Variants in ADAM9 observed in about 807,000 individuals in gnomAD.
ADAM9 encodes disintegrin and metalloproteinase domain-containing protein 9.
ADAM9 carries 54 observed loss-of-function variants against 108.1 expected under a neutral mutation model. The ratio of observed to expected loss-of-function variants is 0.50; its 90% CI spans 0.40 to 0.63. The LOEUF is 0.63. ADAM9 is among the 20% of genes least tolerant of loss of function. The pLI, the probability that ADAM9 is intolerant of heterozygous loss-of-function variation, is 0.00. For missense variants in ADAM9, 830 were observed against 997.7 expected (o/e 0.83, Z 2.26); for synonymous variants, 316 against 336.0 (o/e 0.94, Z 0.65).
At chr8:39,097,050 A>G (rs998061455) in intron 20 of ADAM9, among the ~76,000 whole-genome samples, 3 of 151,866 alleles carry the variant, frequency 2.0e-5, no homozygotes, top group Non-Finnish European at 2.9e-5. Flanking sequence ...CCATGTTTCT[A>G]TTTCTTTGTA....
Position 39,103,970 on chromosome 8 carries a change from A to C in ADAM9, c.*270A>C. 1.6e-6 allele frequency: 1 copy of C among 607,068 alleles called. No individual in the cohort carries two copies. The highest frequency in any genetic ancestry group is 3.1e-6 in the Non-Finnish European group (1 of 326,754). The allele number at this position is 607,068 out of a possible 1,614,324, so 37.6% of individuals were successfully genotyped here. A position where few individuals can be genotyped will look rare whatever the true frequency, so the allele number is the denominator to read the frequency against. ...AGTCATCGGTGAGGTTAATGCACTAATCATGGATTTTTTGAACATGTTATT... is the reference window on the plus strand; with the variant it reads ...AGTCATCGGTGAGGTTAATGCACTACTCATGGATTTTTTGAACATGTTATT... On this transcript the variant is annotated 3_prime_UTR_variant, in exon 22 of 22. Coordinates refer to ENST00000487273, the MANE Select transcript of ADAM9 (RefSeq NM_003816.3).
At chr8:39,007,662 T>C (rs552553495) in intron 1 of ADAM9, among the ~76,000 whole-genome samples, 2 of 152,366 alleles carry the variant, frequency 1.3e-5, no homozygotes, top group Admixed American at 6.5e-5. Context: ...AAGACTGATA[T>C]TCTTTTTTAA....
chr8:39,055,177 A>G (rs1432673780), intron 13 of ADAM9, among the ~76,000 whole-genome samples: 1 of 152,166 alleles, frequency 6.6e-6, no homozygotes, highest in Admixed American at 6.6e-5. Flanking sequence ...CTGGTGCAGA[A>G]TATTCATACT....
chr8:39,079,039 A>T (rs772386211), intron 16 of ADAM9, among the ~76,000 whole-genome samples: 21 of 152,182 alleles, frequency 1.4e-4, no homozygotes, highest in Admixed American at 3.3e-4. Flanking sequence ...AGGGGAGGCT[A>T]AACAATTGGA....
chr8:39,005,530 C>T (rs556211559), intron 1 of ADAM9, among the ~76,000 whole-genome samples: 2 of 152,184 alleles, frequency 1.3e-5, no homozygotes, highest in Non-Finnish European at 2.9e-5. Context: ...CTAACTGATT[C>T]CAATATATGC....
At chr8:39,020,369 C>T (rs1369402842) in intron 7 of ADAM9, among the ~76,000 whole-genome samples, 1 of 152,030 alleles carries the variant, frequency 6.6e-6, no homozygotes, top group Non-Finnish European at 1.5e-5. Flanking sequence ...TCAATCAAGC[C>T]CTATCAAATA....
chr8:39,016,027 G>C, intron 4 of ADAM9, 91 bp from the exon 5 acceptor site: 1 of 1,170,136 alleles, frequency 8.5e-7, no homozygotes. Flanking sequence ...AAACTTGACT[G>C]GCCTAAAGTA....
In ADAM9 at chr8:39,082,732, T is replaced by G; in HGVS notation, c.1962+11T>G. ...TGTCATGGACATGGGGTAGGTAATG[T>G]TTTCTTTTGGCTTGTTCCTGAAAGT... On this transcript the variant is annotated intron_variant, in intron 17 of 21. Transcript: ENST00000487273. The G allele has an allele frequency of 6.2e-7, 1 of 1,610,472 alleles. No homozygotes were observed. Among genetic ancestry groups the G allele is most frequent in the Non-Finnish European group, 8.5e-7 (1 of 1,176,926 alleles).
At chr8:39,045,353 C>CACCT (rs1837682824) in intron 12 of ADAM9, among the ~76,000 whole-genome samples, 2 of 116,810 alleles carry the variant, frequency 1.7e-5, no homozygotes, top group African/African-American at 3.2e-5. Flanking sequence ...CATGTGTGTA[C>CACCT]ATACATATAG....
intron 7 of ADAM9, among the ~76,000 whole-genome samples, chr8:39,021,420 A>C (rs779037876): frequency 2.6e-5 from 4 of 151,980 alleles, no homozygotes; most frequent in African/African-American, 7.3e-5. Context: ...AGTAGCTGGG[A>C]TTATAGGCAC....
intron 12 of ADAM9, among the ~76,000 whole-genome samples, chr8:39,054,180 C>T (rs1475155636): frequency 1.3e-5 from 2 of 152,124 alleles, no homozygotes; most frequent in Non-Finnish European, 2.9e-5. Flanking sequence ...GATTTCTAGC[C>T]TCAAGAACTG....
chr8:39,084,172 A>G (rs936520657), intron 18 of ADAM9, among the ~76,000 whole-genome samples: 5 of 152,004 alleles, frequency 3.3e-5, no homozygotes, highest in African/African-American at 1.2e-4. Flanking sequence ...CCAGTTTTTA[A>G]TGGATTGTCT....
intron 12 of ADAM9, among the ~76,000 whole-genome samples, chr8:39,046,217 G>C (rs1020636106): frequency 1.3e-5 from 2 of 151,822 alleles, no homozygotes; most frequent in Non-Finnish European, 2.9e-5. Context: ...CAAATGTTTT[G>C]TTTTCAATGC....
At chr8:39,000,155 G>T (rs1157212388) in intron 1 of ADAM9, among the ~76,000 whole-genome samples, 1 of 151,902 alleles carries the variant, frequency 6.6e-6, no homozygotes, top group Non-Finnish European at 1.5e-5. Context: ...CTTATGCCTG[G>T]CTAGTTTTTT....
chr8:39,100,499 A>C (rs946770199), intron 20 of ADAM9, among the ~76,000 whole-genome samples: 10 of 152,000 alleles, frequency 6.6e-5, no homozygotes, highest in African/African-American at 2.2e-4. Context: ...TCTCAAAAAA[A>C]AAAAAAAAAG....
intron 4 of ADAM9, chr8:39,014,474 A>G: frequency 1.5e-6 from 1 of 674,674 alleles, no homozygotes; most frequent in Non-Finnish European, 2.7e-6. Context: ...TTTTCTGAAA[A>G]TAATTGTTTC....
At chr8:39,089,799 T>C (rs975471367) in intron 18 of ADAM9, 1 of 472,792 alleles carries the variant, frequency 2.1e-6, no homozygotes, top group African/African-American at 2.0e-5. Flanking sequence ...GAAACGTATT[T>C]TGTTCTTGAT....
chr8:39,036,174 G>A (rs1030216046), intron 11 of ADAM9, among the ~76,000 whole-genome samples: 2 of 151,958 alleles, frequency 1.3e-5, no homozygotes, highest in Non-Finnish European at 2.9e-5. Context: ...ATATTTTGGG[G>A]GCACAGTGGT....
Position 39,041,995 on chromosome 8 carries a change from A to C in ADAM9, c.1180A>C (p.Thr394Pro). The C allele has an allele frequency of 6.2e-7, 1 of 1,614,122 alleles. No homozygotes were observed. The highest frequency in any genetic ancestry group is 2.2e-5 in the East Asian group (1 of 44,886). Residue 394 changes from threonine to proline, a missense_variant, in exon 12 of 22, where the codon ACT becomes CCT. Around this residue, in one of 3 missense-constraint regions of ADAM9, gnomAD observed 381 missense variants for 539.8 expected, o/e 0.71. Coordinates refer to ENST00000487273, the MANE Select transcript of ADAM9 (RefSeq NM_003816.3). ...SCSAEDFEKL[T>P]LNKGGNCLLN... is the part of the protein sequence containing the mutation. ...CAGTGCAGAGGACTTTGAGAAGTTAACTTTAAATAAAGGAGGAAACTGCCT... is the reference window on the plus strand; with the variant it reads ...CAGTGCAGAGGACTTTGAGAAGTTACCTTTAAATAAAGGAGGAAACTGCCT...
Sources: allele counts gnomAD v4.1 joint callset (sites outside exome capture counted in the v4.1 genomes callset), GRCh38; gene constraint gnomAD v4.1.1; regional missense constraint gnomAD v4.1.1; transcripts MANE v1.5; gene names NCBI Gene and HGNC (gene_info 2026-07-23, HGNC 2026-07-21).